Variants in TMEM132C observed in about 807,000 individuals in gnomAD.
TMEM132C encodes the protein protein phosphatase 1, regulatory subunit 152.
In TMEM132C, 29 loss-of-function variants were observed where a neutral mutation model predicts 61.4. That is an observed-to-expected ratio of 0.47 (90% confidence interval 0.35 to 0.64). TMEM132C has a LOEUF of 0.64. TMEM132C is among the 30% of genes least tolerant of loss of function. The pLI is 0.00. For synonymous variants in TMEM132C, 656 were observed against 633.1 expected (o/e 1.04, Z -0.54); for missense variants, 1,408 against 1,476.9 (o/e 0.95, Z 0.76).
At chr12:128,384,767 G>C (rs187156040) in intron 1 of TMEM132C, among the ~76,000 whole-genome samples, 3 of 152,172 alleles carry the variant, frequency 2.0e-5, no homozygotes, top group Admixed American at 6.5e-5. Context: ...GGCACTAAAG[G>C]CTGGCTTAGT....
Position 128,415,798 on chromosome 12 carries a change from C to CA in TMEM132C, c.974+179dup, listed in dbSNP as rs1868762830. Among the ~76,000 whole-genome samples the CA allele has an allele frequency of 6.6e-6, 1 of 152,118 alleles. No individual in the cohort carries two copies. The highest frequency in any genetic ancestry group is 1.5e-5 in the Non-Finnish European group (1 of 68,026). ...CACATGCTCTCAACAGCCCTCCTTA[C>CA]ACCGTGGGTTATGGAGGGAAGAAGA... On this transcript the variant is annotated intron_variant, in intron 2 of 8. Coordinates refer to ENST00000435159, the MANE Select transcript of TMEM132C (RefSeq NM_001136103.3). This position sits in a 1 kb window ranked among gnomAD's most constrained non-coding sequence, Gnocchi z 5.8.
At chr12:128,608,639 G>A (rs948501900) in intron 3 of TMEM132C, among the ~76,000 whole-genome samples, 5 of 152,224 alleles carry the variant, frequency 3.3e-5, no homozygotes, top group African/African-American at 7.2e-5. Flanking sequence ...AAACACTTCT[G>A]TGTACAGCAG....
intron 3 of TMEM132C, among the ~76,000 whole-genome samples, chr12:128,544,917 C>A (rs1215848644): frequency 4.6e-5 from 7 of 152,174 alleles, no homozygotes; most frequent in Admixed American, 4.6e-4. Flanking sequence ...GTAACAGAAA[C>A]AACCAACCAT....
chr12:128,333,181 AGT>A (rs200162594), intron 1 of TMEM132C, among the ~76,000 whole-genome samples: 4,642 of 144,902 alleles, frequency 0.032, 243 homozygotes, highest in African/African-American at 0.11. Context: ...TGTGTGTGGG[AGT>A]GTGTGTGTGT....
At chr12:128,636,018 A>G (rs2135596312) in intron 4 of TMEM132C, among the ~76,000 whole-genome samples, 1 of 152,280 alleles carries the variant, frequency 6.6e-6, no homozygotes, top group Admixed American at 6.5e-5. Flanking sequence ...TGCCAGTTCT[A>G]CTAGGTTCTC....
chr12:128,358,742 C>T (rs1873600850), intron 1 of TMEM132C, among the ~76,000 whole-genome samples: 1 of 152,078 alleles, frequency 6.6e-6, no homozygotes, highest in Non-Finnish European at 1.5e-5. Flanking sequence ...GTCTCATACC[C>T]AGGCAATATG....
rs373417467 is a variant in TMEM132C, at chr12:128,430,081, G to C, written c.974+14461G>C. On this transcript the variant is annotated intron_variant, in intron 2 of 8. Transcript: ENST00000435159. ...TCGGCCTCCTTCTCAGTAACCCAGC[G>C]AGCTACAGAGTCTCCAGAGAGTTCA... Among the ~76,000 whole-genome samples the C allele has an allele frequency of 1.4e-4, 22 of 152,238 alleles. No individual in the cohort carries two copies. The South Asian group carries it at 4.6e-3, about 32-fold the overall frequency.
At chr12:128,687,558 A>G (rs578256133) in intron 5 of TMEM132C, among the ~76,000 whole-genome samples, 7 of 152,342 alleles carry the variant, frequency 4.6e-5, no homozygotes, top group African/African-American at 1.4e-4. Flanking sequence ...GGCAAAGAGA[A>G]CAGCACGTGC....
chr12:128,524,438 C>T (rs1439752723), intron 2 of TMEM132C, among the ~76,000 whole-genome samples: 2 of 152,144 alleles, frequency 1.3e-5, no homozygotes, highest in Middle Eastern at 3.2e-3. Context: ...TGGCTTTAGC[C>T]CTACATAGCT....
intron 2 of TMEM132C, among the ~76,000 whole-genome samples, chr12:128,495,362 C>G (rs1020244996): frequency 1.3e-5 from 2 of 152,074 alleles, no homozygotes; most frequent in African/African-American, 4.8e-5. Context: ...CCGCTTGGTG[C>G]AGAGCTGAGT....
At chr12:128,654,863 G>A (rs1288660859) in intron 4 of TMEM132C, among the ~76,000 whole-genome samples, 1 of 152,164 alleles carries the variant, frequency 6.6e-6, no homozygotes, top group Admixed American at 6.5e-5. Context: ...TGGGCCTGCC[G>A]GTGTATTGAT....
At chr12:128,672,643 A>C (rs6486711) in intron 5 of TMEM132C, among the ~76,000 whole-genome samples, 116,007 of 152,144 alleles carry the variant, frequency 0.76, 45,052 homozygotes, top group South Asian at 0.88. Flanking sequence ...TGAGGACATC[A>C]GAGCAGGCAG....
intron 1 of TMEM132C, among the ~76,000 whole-genome samples, chr12:128,347,418 T>TCTCTCTCTCTCTCTCTCTCTCTCTCC (rs1565908129): frequency 1.3e-5 from 2 of 149,082 alleles, no homozygotes; most frequent in African/African-American, 5.2e-5. Context: ...TCTCTCTCTC[T>TCTCTCTCTCTCTCTCTCTCTCTCTCC]CTCTCTCTCT....
intron 2 of TMEM132C, among the ~76,000 whole-genome samples, chr12:128,482,776 C>T (rs190497609): frequency 6.6e-6 from 1 of 152,272 alleles, no homozygotes; most frequent in African/African-American, 2.4e-5. Context: ...CCCAGCTTCA[C>T]ACCTTGAGCC....
At chr12:128,425,704 C>G (rs926682981) in intron 2 of TMEM132C, among the ~76,000 whole-genome samples, 1 of 152,158 alleles carries the variant, frequency 6.6e-6, no homozygotes, top group Non-Finnish European at 1.5e-5. Flanking sequence ...TTGCCTTCGC[C>G]AGCTGTCCTC....
At position 128,682,929 on chromosome 12, in the gene TMEM132C, G is replaced by T. The variant is rs191245544; in HGVS notation, c.1450-10900G>T. Among the ~76,000 whole-genome samples the T allele has an allele frequency of 4.8e-3, 736 of 152,272 alleles. 9 individuals are homozygous for T. The highest frequency in any genetic ancestry group is 0.017 in the African/African-American group (702 of 41,546). On this transcript the variant is annotated intron_variant, in intron 5 of 8. Transcript: ENST00000435159. ...CATCTGGAACAGGGCACTCTTCCTT[G>T]GTTTGTAGAGGCATCACCGCATTCT... is the stretch of plus-strand genomic sequence containing the variant.
At chr12:128,449,823 C>T (rs1443776857) in intron 2 of TMEM132C, among the ~76,000 whole-genome samples, 1 of 152,146 alleles carries the variant, frequency 6.6e-6, no homozygotes, top group Non-Finnish European at 1.5e-5. Context: ...TAGACGTTTC[C>T]ATGTCGAAAC....
chr12:128,479,367 G>A (rs2016883), intron 2 of TMEM132C, among the ~76,000 whole-genome samples: 39,888 of 151,834 alleles, frequency 0.26, 6,448 homozygotes, highest in African/African-American at 0.45. Context: ...AAAAGTTAAG[G>A]AAAAAAAAGA....
At chr12:128,267,582 C>CG in intron 1 of TMEM132C, 95 bp downstream of exon 1, 2 of 1,006,908 alleles carry the variant, frequency 2.0e-6, no homozygotes, top group East Asian at 8.0e-5. Context: ...AGGGGTGCGG[C>CG]GGGGGCCTCG....
Sources: allele counts gnomAD v4.1 joint callset (sites outside exome capture counted in the v4.1 genomes callset), GRCh38; gene constraint gnomAD v4.1.1; non-coding constraint Gnocchi (gnomAD v3.1); transcripts MANE v1.5; gene names NCBI Gene and HGNC (gene_info 2026-07-23, HGNC 2026-07-21).